The following ANGPT2 variants were observed in gnomAD, a reference collection of about 807,000 sequenced individuals.
ANGPT2 encodes the protein angiopoietin 2.
In ANGPT2, 28 loss-of-function variants were observed where a neutral mutation model predicts 62.9. The observed-to-expected ratio is 0.44, with a 90% CI of 0.33 to 0.61. ANGPT2 has a LOEUF of 0.61. Among genes scored for constraint, ANGPT2 ranks in the 20% least tolerant of loss-of-function variants. The probability of loss-of-function intolerance (pLI) is 0.03; values close to 1 mark genes in which losing one functional copy is unlikely to be tolerated. For missense variants in ANGPT2, 727 were observed against 594.9 expected (o/e 1.22, Z -2.31); for synonymous variants, 284 against 207.8 (o/e 1.37, Z -3.15).
In ANGPT2 at chr8:6,532,438, T is replaced by A; in HGVS notation, c.338A>T (p.Gln113Leu). 6.2e-7 allele frequency: 1 copy of A among 1,614,024 alleles called. No homozygotes were observed. The highest frequency in any genetic ancestry group is 1.3e-5 in the African/African-American group (1 of 75,044). ...DNMKKEMVEI[Q>L]QNAVQNQTAV... ...CGTCTGGTTCTGTACTGCATTCTGC[T>A]GTATCTCTACCATTTCTTTCTTCAT... Residue 113 changes from glutamine (Q) to leucine (L), a missense_variant, in exon 2 of 9, where the codon CAG (glutamine) becomes CTG (leucine). By Grantham distance (113) the Gln-to-Leu change is moderately radical. Transcript: ENST00000629816.
intron 2 of ANGPT2, among the ~76,000 whole-genome samples, chr8:6,527,906 T>A (rs1425554033): frequency 3.3e-5 from 5 of 150,928 alleles, no homozygotes; most frequent in African/African-American, 1.2e-4. Flanking sequence ...TCTATTTTTT[T>A]TTTTTTTGAG....
chr8:6,509,886 G>A (rs1199711833), intron 7 of ANGPT2, among the ~76,000 whole-genome samples: 1 of 152,212 alleles, frequency 6.6e-6, no homozygotes, highest in East Asian at 1.9e-4. Flanking sequence ...GGGGATCACA[G>A]GACTGACTGG....
At chr8:6,520,654 C>A (rs1336889800) in intron 4 of ANGPT2, among the ~76,000 whole-genome samples, 3 of 152,174 alleles carry the variant, frequency 2.0e-5, no homozygotes, top group Non-Finnish European at 2.9e-5. Context: ...CCTCAGCCTC[C>A]CAAAGTGCTG....
At chr8:6,526,168 C>G (rs1348249800) in intron 3 of ANGPT2, among the ~76,000 whole-genome samples, 2 of 150,804 alleles carry the variant, frequency 1.3e-5, no homozygotes, top group African/African-American at 4.9e-5. Context: ...GCCTGTAATC[C>G]CAGCACTTTA....
intron 1 of ANGPT2, among the ~76,000 whole-genome samples, chr8:6,550,193 C>T (rs939646855): frequency 3.9e-5 from 6 of 152,260 alleles, no homozygotes; most frequent in East Asian, 1.9e-4. Context: ...TCGGCTCCAT[C>T]TCCAGATGTT....
chr8:6,547,556 G>GCAGAGTCA (rs1238372340), intron 1 of ANGPT2, among the ~76,000 whole-genome samples: 1 of 152,168 alleles, frequency 6.6e-6, no homozygotes, highest in Non-Finnish European at 1.5e-5. Context: ...TCAAAGGGGC[G>GCAGAGTCA]CAGAGTCACA....
At chr8:6,523,501 G>T (rs929754079) in intron 3 of ANGPT2, among the ~76,000 whole-genome samples, 4 of 152,192 alleles carry the variant, frequency 2.6e-5, no homozygotes, top group African/African-American at 9.7e-5. Context: ...ATCCAAGAGA[G>T]TAGAGACTAT....
intron 8 of ANGPT2, among the ~76,000 whole-genome samples, chr8:6,504,044 C>A (rs550594277): frequency 6.6e-6 from 1 of 152,184 alleles, no homozygotes; most frequent in Non-Finnish European, 1.5e-5. Context: ...AGGGGCCGGG[C>A]GCAGTGGCTC....
At chr8:6,552,315 G>A (rs540108656) in intron 1 of ANGPT2, among the ~76,000 whole-genome samples, 8 of 152,304 alleles carry the variant, frequency 5.3e-5, no homozygotes, top group Admixed American at 3.3e-4. Flanking sequence ...CCATATTCAC[G>A]CAGTCACAGC....
intron 1 of ANGPT2, 122 bp from the exon 2 acceptor site, chr8:6,532,609 T>C (rs938885755): frequency 1.5e-4 from 106 of 696,518 alleles, no homozygotes; most frequent in Non-Finnish European, 2.1e-4. Flanking sequence ...AAAAGACTTG[T>C]ACCTTGCCTT....
At position 6,513,862 on chromosome 8, in the gene ANGPT2, A is replaced by T. The variant is rs776449505; in HGVS notation, c.1030-18T>A. 6.3e-7 allele frequency: 1 copy of T among 1,589,204 alleles called. No homozygotes were observed. The highest frequency in any genetic ancestry group is 1.2e-5 in the South Asian group (1 of 86,394). On this transcript the variant is annotated intron_variant, in intron 6 of 8. Coordinates refer to ENST00000629816, the MANE Select transcript of ANGPT2 (RefSeq NM_001118887.2). ...CCAAATCCCTGTAATGCAAGTTGTT[A>T]AATTCAATTATTTCATGTAATTTTT...
chr8:6,562,291 C>G (rs557796300), intron 1 of ANGPT2, among the ~76,000 whole-genome samples: 42 of 152,240 alleles, frequency 2.8e-4, no homozygotes, highest in African/African-American at 9.6e-4. Context: ...GAGAGCCTCC[C>G]TGGTGATGGG....
At chr8:6,522,917 C>G (rs1417114064) in intron 3 of ANGPT2, among the ~76,000 whole-genome samples, 2 of 152,192 alleles carry the variant, frequency 1.3e-5, no homozygotes, top group African/African-American at 4.8e-5. Flanking sequence ...TGGCCCCATT[C>G]CTTCTCTAAA....
intron 2 of ANGPT2, among the ~76,000 whole-genome samples, chr8:6,528,544 A>G (rs187099794): frequency 6.9e-4 from 105 of 152,300 alleles, no homozygotes; most frequent in African/African-American, 2.4e-3. Flanking sequence ...GTTTGAACCA[A>G]TCGAAGCCGT....
chr8:6,559,007 C>A (rs1034423770), intron 1 of ANGPT2, among the ~76,000 whole-genome samples: 5 of 152,122 alleles, frequency 3.3e-5, no homozygotes, highest in African/African-American at 7.2e-5. Flanking sequence ...TTACTGCATT[C>A]CTTACTATAT....
In ANGPT2 at chr8:6,509,009, T is replaced by C; in HGVS notation, c.1250A>G (p.Gln417Arg). ...CTTTGTGCTAAAATCATTTCCTGGTTGGCTGATGCTGCTTATTTTGCCGGC... is the reference window on the plus strand; with the variant it reads ...CTTTGTGCTAAAATCATTTCCTGGTCGGCTGATGCTGCTTATTTTGCCGGC... The part of the protein sequence containing the change: ...GTAGKISSIS[Q>R]PGNDFSTKDG... The change falls in exon 8 of 9, where the codon CAA becomes CGA. Residue 417 changes from glutamine (Q) to arginine (R), a missense_variant. Transcript: ENST00000629816. 6.2e-7 allele frequency: 1 copy of C among 1,614,190 alleles called. No individual in the cohort carries two copies. Among genetic ancestry groups the C allele is most frequent in the African/African-American group, 1.3e-5 (1 of 75,050 alleles).
At chr8:6,525,851 T>C (rs1480129338) in intron 3 of ANGPT2, among the ~76,000 whole-genome samples, 1 of 152,226 alleles carries the variant, frequency 6.6e-6, no homozygotes, top group African/African-American at 2.4e-5. Flanking sequence ...ACAGGCATAG[T>C]TGAAAGCCAA....
intron 3 of ANGPT2, among the ~76,000 whole-genome samples, chr8:6,524,235 A>G (rs1350322286): frequency 6.6e-6 from 1 of 152,238 alleles, no homozygotes; most frequent in African/African-American, 2.4e-5. Flanking sequence ...TGTCTTATTT[A>G]ATAATGAAAT....
Position 6,519,886 on chromosome 8 carries a change from G to A in ANGPT2, c.905C>T (p.Pro302Leu). The A allele has an allele frequency of 6.2e-7, 1 of 1,614,018 alleles. No homozygotes were observed. Among genetic ancestry groups the A allele is most frequent in the Middle Eastern group, 1.6e-4 (1 of 6,062 alleles). The part of the protein sequence containing the change: ...TTNGIYTLTF[P>L]NSTEEIKAYC... ...CACCTTGATCTCTTCTGTAGAATTAGGGAATGTTAACGTGTAGATGCCATT... is the reference window on the plus strand; with the variant it reads ...CACCTTGATCTCTTCTGTAGAATTAAGGAATGTTAACGTGTAGATGCCATT... The change falls in exon 5 of 9, where the codon CCT (proline) becomes CTT (leucine). Residue 302 changes from proline to leucine, a missense_variant. Pro to Leu is a moderately conservative substitution (Grantham distance 98, BLOSUM62 -3). Transcript: ENST00000629816.
Sources: gnomAD v4.1 joint callset for allele counts (sites outside exome capture counted in the v4.1 genomes callset) on GRCh38, gnomAD v4.1.1 for gene constraint, MANE v1.5 for transcripts, NCBI Gene and HGNC (gene_info 2026-07-23, HGNC 2026-07-21) for gene names.